SHISA9: variants seen among roughly 807,000 people sequenced by gnomAD.
SHISA9 encodes the protein shisa family member 9.
SHISA9 carries 13 observed loss-of-function variants against 38.0 expected under a neutral mutation model. The ratio of observed to expected loss-of-function variants is 0.34; its 90% CI spans 0.22 to 0.54. The LOEUF (loss-of-function observed/expected upper bound fraction) is 0.54. Ranked by LOEUF, SHISA9 falls within the 20% of genes least tolerant of loss-of-function variation. The pLI is 0.91. For synonymous variants in SHISA9, 275 were observed against 242.0 expected, an observed-to-expected ratio of 1.14 and a Z score of -1.27; for missense variants, 538 against 575.8, an observed-to-expected ratio of 0.93 and a Z score of 0.67.
At chr16:12,961,353 T>C (rs1031745363) in intron 2 of SHISA9, among the ~76,000 whole-genome samples, 3 of 151,754 alleles carry the variant, frequency 2.0e-5, no homozygotes, top group African/African-American at 7.3e-5. Flanking sequence ...GAGTCTGGTG[T>C]TTTTCTTGAC....
At chr16:13,056,287 C>T (rs866980826) in intron 2 of SHISA9, among the ~76,000 whole-genome samples, 25 of 152,150 alleles carry the variant, frequency 1.6e-4, no homozygotes, top group African/African-American at 6.0e-4. Context: ...ATCAAAGAGG[C>T]ATTGGTAGAA....
chr16:13,520,616 A>AC, the SHISA9 span, among the ~76,000 whole-genome samples: 1 of 150,466 alleles, frequency 6.6e-6, no homozygotes, highest in East Asian at 2.0e-4. Context: ...AAAAAAAAAA[A>AC]AAAAAAAAAA....
the SHISA9 span, among the ~76,000 whole-genome samples, chr16:13,495,760 A>G: frequency 6.6e-6 from 1 of 152,174 alleles, no homozygotes; most frequent in African/African-American, 2.4e-5. Context: ...GTAAGATATG[A>G]AAACATGGCA....
chr16:13,132,583 G>C (rs575814530), intron 2 of SHISA9, among the ~76,000 whole-genome samples: 1 of 152,084 alleles, frequency 6.6e-6, no homozygotes, highest in South Asian at 2.1e-4. Context: ...AATATGTCCT[G>C]ACATTGCCAG....
chr16:13,227,917 T>C (rs897194583), intron 4 of SHISA9, among the ~76,000 whole-genome samples: 6 of 152,172 alleles, frequency 3.9e-5, no homozygotes, highest in Non-Finnish European at 8.8e-5. Flanking sequence ...TTGCCTACCA[T>C]AGAGTAAGTG....
the SHISA9 span, among the ~76,000 whole-genome samples, chr16:13,479,636 C>G: frequency 0.11 from 17,235 of 152,212 alleles, 1,241 homozygotes; most frequent in Non-Finnish European, 0.16. Context: ...CCATAACATG[C>G]TAATCACGAG....
intron 3 of SHISA9, among the ~76,000 whole-genome samples, chr16:13,204,428 C>T (rs1407411344): frequency 6.6e-6 from 1 of 152,098 alleles, no homozygotes; most frequent in African/African-American, 2.4e-5. Context: ...CTCATTTGGT[C>T]CCACTGACAC....
chr16:13,453,433 C>A, the SHISA9 span, among the ~76,000 whole-genome samples: 1 of 152,168 alleles, frequency 6.6e-6, no homozygotes, highest in Non-Finnish European at 1.5e-5. Flanking sequence ...AGCTTGCAAA[C>A]CTGTGTGAGT....
chr16:13,554,684 G>T, the SHISA9 span, among the ~76,000 whole-genome samples: 1 of 152,066 alleles, frequency 6.6e-6, no homozygotes, highest in African/African-American at 2.4e-5. Context: ...CAGAGACGTG[G>T]TTTCACCATG....
At chr16:13,432,284 G>A in the SHISA9 span, among the ~76,000 whole-genome samples, 3 of 152,274 alleles carry the variant, frequency 2.0e-5, no homozygotes, top group South Asian at 6.2e-4. Context: ...TTTTAGCATA[G>A]ATGCCTGTTC....
chr16:13,160,698 CA>C (rs1286200108), intron 2 of SHISA9, among the ~76,000 whole-genome samples: 1 of 152,196 alleles, frequency 6.6e-6, no homozygotes, highest in Non-Finnish European at 1.5e-5. Flanking sequence ...TAACACCCCC[CA>C]GGGGCTTAGT....
chr16:13,054,634 C>T (rs2073289417), intron 2 of SHISA9, among the ~76,000 whole-genome samples: 1 of 152,202 alleles, frequency 6.6e-6, no homozygotes, highest in African/African-American at 2.4e-5. Context: ...TTGTTAAACT[C>T]CTCTTGAGAT....
At chr16:12,937,240 G>A (rs944576672) in intron 2 of SHISA9, among the ~76,000 whole-genome samples, 6 of 152,104 alleles carry the variant, frequency 3.9e-5, no homozygotes, top group South Asian at 2.1e-4. Flanking sequence ...AAAAATTAAC[G>A]TATTTATCTA....
At chr16:13,419,250 A>G in the SHISA9 span, among the ~76,000 whole-genome samples, 1 of 152,226 alleles carries the variant, frequency 6.6e-6, no homozygotes, top group East Asian at 1.9e-4. Context: ...TGACTCAAAC[A>G]TTAAGTTTTA....
chr16:12,946,777 C>T (rs1214030425), intron 2 of SHISA9, among the ~76,000 whole-genome samples: 1 of 152,264 alleles, frequency 6.6e-6, no homozygotes, highest in Non-Finnish European at 1.5e-5. Context: ...ACATTCTCAA[C>T]AGCTGGTGAA....
the SHISA9 span, among the ~76,000 whole-genome samples, chr16:13,532,188 G>A: frequency 6.6e-6 from 1 of 152,204 alleles, no homozygotes. Context: ...ATGGGATGGA[G>A]GAGAAGTGAA....
chr16:13,407,070 CAAAAAA>C, the SHISA9 span, among the ~76,000 whole-genome samples: 2 of 45,618 alleles, frequency 4.4e-5, no homozygotes, highest in South Asian at 1.3e-3. Flanking sequence ...CTCTGTCTCA[CAAAAAA>C]AAAAAAAAAA....
the SHISA9 span, among the ~76,000 whole-genome samples, chr16:13,393,025 C>G: frequency 6.6e-6 from 1 of 152,204 alleles, no homozygotes; most frequent in South Asian, 2.1e-4. Context: ...TACAACGCCC[C>G]AGGATGGGAG....
At chr16:13,256,054 C>T in the SHISA9 span, among the ~76,000 whole-genome samples, 3 of 152,156 alleles carry the variant, frequency 2.0e-5, no homozygotes, top group South Asian at 2.1e-4. Context: ...TGTTCTAGGA[C>T]AGTTAGGCTA....
Sources: allele counts gnomAD v4.1 joint callset (sites outside exome capture counted in the v4.1 genomes callset), GRCh38; gene constraint gnomAD v4.1.1; transcripts MANE v1.5; gene names NCBI Gene and HGNC (gene_info 2026-07-23, HGNC 2026-07-21).